The following DSE variants were observed in gnomAD, a reference collection of about 807,000 sequenced individuals.
DSE encodes dermatan sulfate epimerase, also known as dermatan-sulfate epimerase.
A neutral mutation model predicts 84.4 loss-of-function variants in DSE; 36 were observed. The ratio of observed to expected loss-of-function variants is 0.43; its 90% CI spans 0.33 to 0.56. The LOEUF is 0.56. Among genes scored for constraint, DSE ranks in the 20% least tolerant of loss-of-function variants. The pLI is 0.06. For missense variants in DSE, 862 were observed against 1,169.6 expected (o/e 0.74, Z 3.84); for synonymous variants, 410 against 430.1 (o/e 0.95, Z 0.58).
chr6:116,268,663 C>T (rs1343781887), intron 2 of DSE, among the ~76,000 whole-genome samples: 4 of 152,100 alleles, frequency 2.6e-5, no homozygotes, highest in Non-Finnish European at 5.9e-5. Flanking sequence ...CTGAAAATTT[C>T]CCAAATATCC....
intron 2 of DSE, among the ~76,000 whole-genome samples, chr6:116,331,221 A>G (rs1776914942): frequency 6.6e-6 from 1 of 152,128 alleles, no homozygotes; most frequent in African/African-American, 2.4e-5. Context: ...TAATAGTTGT[A>G]TTAGTTCATT....
chr6:116,381,292 G>A (rs1442321737), intron 1 of DSE, among the ~76,000 whole-genome samples: 10 of 152,128 alleles, frequency 6.6e-5, no homozygotes, highest in Non-Finnish European at 2.9e-5. Context: ...CTCAAGCAAT[G>A]ATGGGCAGGT....
At chr6:116,427,873 C>G (rs1273819401) in intron 3 of DSE, among the ~76,000 whole-genome samples, 1 of 152,160 alleles carries the variant, frequency 6.6e-6, no homozygotes, top group African/African-American at 2.4e-5. Flanking sequence ...TTGTCCCCTA[C>G]TCTCACAAAA....
intron 2 of DSE, among the ~76,000 whole-genome samples, chr6:116,323,291 A>C (rs901438477): frequency 6.6e-6 from 1 of 152,252 alleles, no homozygotes; most frequent in African/African-American, 2.4e-5. Flanking sequence ...ACTGAGAAAT[A>C]TAAGAGCTGA....
intron 2 of DSE, among the ~76,000 whole-genome samples, chr6:116,292,574 G>A (rs1774356042): frequency 6.6e-6 from 1 of 152,120 alleles, no homozygotes; most frequent in Admixed American, 6.6e-5. Context: ...AGTTCAAGGA[G>A]ATGCAGGGTT....
At position 116,438,482 on chromosome 6, in the gene DSE, C is replaced by A. The variant is rs1398810109; in HGVS notation, c.*1137C>A. 4 of 152,090 alleles carry A rather than the reference C, an allele frequency of 2.6e-5. No homozygotes were observed. Among genetic ancestry groups the A allele is most frequent in the Non-Finnish European group, 5.9e-5 (4 of 67,976 alleles). The allele number at this position is 152,090 out of a possible 1,614,324, so 9.4% of individuals were successfully genotyped here. On this transcript the variant is annotated 3_prime_UTR_variant, in exon 6 of 6. Transcript: ENST00000644252. Reference sequence around the variant, plus strand: ...TAAATATTTAAAACAATAGCCAATTCTGATATTTAAGTAGCACCCAACTTT... The same window carrying A: ...TAAATATTTAAAACAATAGCCAATTATGATATTTAAGTAGCACCCAACTTT...
At chr6:116,410,905 A>G (rs189121313) in intron 2 of DSE, among the ~76,000 whole-genome samples, 1 of 152,170 alleles carries the variant, frequency 6.6e-6, no homozygotes, top group Non-Finnish European at 1.5e-5. Flanking sequence ...TAGCATTCAT[A>G]AGACTTGACA....
At chr6:116,420,347 T>C (rs924678510) in intron 2 of DSE, among the ~76,000 whole-genome samples, 12 of 152,222 alleles carry the variant, frequency 7.9e-5, no homozygotes, top group African/African-American at 2.9e-4. Flanking sequence ...GAATTAGATT[T>C]AGATGGAGGT....
At chr6:116,375,638 A>C (rs1177883506) in intron 1 of DSE, 2 of 834,866 alleles carry the variant, frequency 2.4e-6, no homozygotes, top group Non-Finnish European at 2.9e-6. Flanking sequence ...GAAAAGAATC[A>C]AACTAGAAAG....
chr6:116,403,029 A>G (rs947446167), intron 2 of DSE, among the ~76,000 whole-genome samples: 6 of 152,372 alleles, frequency 3.9e-5, no homozygotes, highest in South Asian at 2.1e-4. Context: ...CTAATAGCCT[A>G]CAAAGTAGAA....
chr6:116,343,736 G>A (rs1400575644), intron 2 of DSE, among the ~76,000 whole-genome samples: 1 of 152,218 alleles, frequency 6.6e-6, no homozygotes, highest in Non-Finnish European at 1.5e-5. Context: ...CTCCTCCAAA[G>A]GAATGCAGTT....
intron 2 of DSE, among the ~76,000 whole-genome samples, chr6:116,362,933 A>AT (rs1562254588): frequency 6.6e-6 from 1 of 152,146 alleles, no homozygotes; most frequent in African/African-American, 2.4e-5. Flanking sequence ...AAGTTAAGTG[A>AT]TTTTCCCAAG....
At chr6:116,364,823 T>C (rs1217916231) in intron 2 of DSE, among the ~76,000 whole-genome samples, 3 of 150,854 alleles carry the variant, frequency 2.0e-5, no homozygotes, top group African/African-American at 7.3e-5. Flanking sequence ...ACCTGTTTAG[T>C]AACACTTTTT....
At chr6:116,354,010 T>C (rs1778454958) in intron 2 of DSE, among the ~76,000 whole-genome samples, 1 of 152,202 alleles carries the variant, frequency 6.6e-6, no homozygotes, top group Non-Finnish European at 1.5e-5. Flanking sequence ...TAAAGAGTGA[T>C]ATGACACCAC....
At chr6:116,314,215 A>T (rs564776012) in intron 2 of DSE, among the ~76,000 whole-genome samples, 4 of 152,194 alleles carry the variant, frequency 2.6e-5, no homozygotes, top group Non-Finnish European at 5.9e-5. Flanking sequence ...CAGGACTATA[A>T]ATAGAGAAAA....
chr6:116,357,605 A>G (rs1174476540), intron 2 of DSE, among the ~76,000 whole-genome samples: 5 of 152,200 alleles, frequency 3.3e-5, no homozygotes, highest in African/African-American at 1.2e-4. Context: ...TTTAAGCCAA[A>G]AAATTGTTTT....
intron 1 of DSE, among the ~76,000 whole-genome samples, chr6:116,376,406 G>C (rs1027686737): frequency 1.3e-5 from 2 of 152,202 alleles, no homozygotes; most frequent in African/African-American, 4.8e-5. Flanking sequence ...GCCCAGAAGA[G>C]TATAAACCTG....
chr6:116,259,630 T>C (rs1036450974), intron 2 of DSE, among the ~76,000 whole-genome samples: 1 of 152,224 alleles, frequency 6.6e-6, no homozygotes, highest in Non-Finnish European at 1.5e-5. Context: ...TGAGTTATTT[T>C]TCATTATCTT....
intron 1 of DSE, chr6:116,256,857 A>G (rs1772163308): frequency 6.6e-6 from 1 of 152,256 alleles, no homozygotes; most frequent in African/African-American, 2.4e-5. Flanking sequence ...TGTACACAGT[A>G]AAGTCTATTC....
Sources: gnomAD v4.1 joint callset for allele counts (sites outside exome capture counted in the v4.1 genomes callset) on GRCh38, gnomAD v4.1.1 for gene constraint, MANE v1.5 for transcripts, NCBI Gene and HGNC (gene_info 2026-07-23, HGNC 2026-07-21) for gene names.